The following TBCK variants were observed in gnomAD, a reference collection of about 807,000 sequenced individuals.
TBCK encodes TBC domain-containing protein kinase-like protein.
A neutral mutation model predicts 113.4 loss-of-function variants in TBCK; 99 were observed. The observed-to-expected ratio is 0.87, with a 90% CI of 0.74 to 1.03. The LOEUF is 1.03. Ranked by LOEUF, TBCK falls within the 50% of genes least tolerant of loss-of-function variation. TBCK has a pLI of 0.00. For synonymous variants in TBCK, 369 were observed against 370.8 expected, an observed-to-expected ratio of 1.00 and a Z score of 0.05; for missense variants, 1,045 against 1,061.3, an observed-to-expected ratio of 0.98 and a Z score of 0.21.
chr4:106,167,575 G>T (rs1473229553), intron 23 of TBCK, among the ~76,000 whole-genome samples: 1 of 151,428 alleles, frequency 6.6e-6, no homozygotes, highest in African/African-American at 2.4e-5. Flanking sequence ...AGAGATCAAT[G>T]ACACCAAAAG....
chr4:106,216,099 C>T (rs915670489), intron 19 of TBCK, among the ~76,000 whole-genome samples: 2 of 152,168 alleles, frequency 1.3e-5, no homozygotes, highest in Non-Finnish European at 2.9e-5. Context: ...AACTGAACAA[C>T]CTCCTCCTGA....
At chr4:106,091,758 A>G (rs1740274704) in intron 25 of TBCK, among the ~76,000 whole-genome samples, 1 of 152,174 alleles carries the variant, frequency 6.6e-6, no homozygotes, top group South Asian at 2.1e-4. Context: ...GCAAAGAGCA[A>G]AAGAACAAAG....
chr4:106,073,208 G>T (rs1737702983), intron 25 of TBCK, among the ~76,000 whole-genome samples: 1 of 152,156 alleles, frequency 6.6e-6, no homozygotes, highest in African/African-American at 2.4e-5. Context: ...CAGCTTTTCT[G>T]CTCTGGTTTC....
chr4:106,075,382 G>A (rs1000390908), intron 25 of TBCK, among the ~76,000 whole-genome samples: 5 of 152,302 alleles, frequency 3.3e-5, no homozygotes, highest in South Asian at 2.1e-4. Context: ...TATGGAGGAC[G>A]TGAAGAAGAA....
chr4:106,065,385 A>G (rs1736522939), intron 25 of TBCK, among the ~76,000 whole-genome samples: 1 of 152,036 alleles, frequency 6.6e-6, no homozygotes, highest in African/African-American at 2.4e-5. Context: ...CAAAGATGTA[A>G]TATCTCACAT....
chr4:106,069,342 C>G (rs976805135), intron 25 of TBCK, among the ~76,000 whole-genome samples: 2 of 152,136 alleles, frequency 1.3e-5, no homozygotes, highest in African/African-American at 2.4e-5. Context: ...GGAAGGGATC[C>G]AGTTTAAGCT....
chr4:106,266,839 A>T (rs1194625458), intron 3 of TBCK, among the ~76,000 whole-genome samples: 4 of 151,954 alleles, frequency 2.6e-5, no homozygotes, highest in African/African-American at 9.7e-5. Context: ...TTTTTAAGTT[A>T]TATTCTTTAA....
At chr4:106,107,107 C>A (rs1560653398) in intron 24 of TBCK, among the ~76,000 whole-genome samples, 1 of 151,922 alleles carries the variant, frequency 6.6e-6, no homozygotes, top group Non-Finnish European at 1.5e-5. Flanking sequence ...TATATATGAA[C>A]CCAATACAGG....
At chr4:106,302,176 T>A (rs897969287) in intron 2 of TBCK, among the ~76,000 whole-genome samples, 1 of 152,146 alleles carries the variant, frequency 6.6e-6, no homozygotes, top group Non-Finnish European at 1.5e-5. Flanking sequence ...ACTTTACACA[T>A]ATTCATGACC....
At chr4:106,073,001 TC>T (rs753384169) in intron 25 of TBCK, among the ~76,000 whole-genome samples, 9 of 152,216 alleles carry the variant, frequency 5.9e-5, no homozygotes, top group Non-Finnish European at 1.0e-4. Context: ...ATTCGTCTAA[TC>T]CTTTTTCAAG....
In TBCK at chr4:106,222,476, T is replaced by C. The variant is rs201199135; in HGVS notation, c.1774+7887A>G. Among the ~76,000 whole-genome samples the C allele has an allele frequency of 1.1e-4, 16 of 152,266 alleles. No homozygotes were observed. In the East Asian group the frequency reaches 2.9e-3, roughly 28 times the overall value. On this transcript the variant is annotated intron_variant, in intron 19 of 25. Coordinates refer to ENST00000394708, the MANE Select transcript of TBCK (RefSeq NM_001163435.3). ...GCCCTACATATAGGTATCCTTATTTTTCCCTTCCGAAAAGTTTTTCAGCTT... is the reference window on the plus strand; with the variant it reads ...GCCCTACATATAGGTATCCTTATTTCTCCCTTCCGAAAAGTTTTTCAGCTT...
chr4:106,139,899 T>A (rs955187437), intron 23 of TBCK, among the ~76,000 whole-genome samples: 1 of 140,872 alleles, frequency 7.1e-6, no homozygotes, highest in Non-Finnish European at 1.6e-5. Flanking sequence ...AAATTGGGCA[T>A]GAACAAGTAC....
At chr4:106,151,986 A>T (rs1748547262) in intron 23 of TBCK, among the ~76,000 whole-genome samples, 1 of 151,582 alleles carries the variant, frequency 6.6e-6, no homozygotes, top group Admixed American at 6.6e-5. Flanking sequence ...TTTTTTATGG[A>T]GTCTTTAGGT....
chr4:106,160,967 T>C (rs57240406), intron 23 of TBCK, among the ~76,000 whole-genome samples: 6,858 of 152,030 alleles, frequency 0.045, 511 homozygotes, highest in African/African-American at 0.15. Context: ...CAAAACTATA[T>C]GATTCCAACT....
intron 24 of TBCK, among the ~76,000 whole-genome samples, chr4:106,107,030 A>T (rs1447952887): frequency 4.6e-5 from 7 of 151,340 alleles, no homozygotes; most frequent in East Asian, 1.9e-4. Flanking sequence ...ACAACGATTT[A>T]AAAAAAAAGA....
intron 23 of TBCK, among the ~76,000 whole-genome samples, chr4:106,120,204 C>T (rs533401652): frequency 6.6e-6 from 1 of 152,282 alleles, no homozygotes; most frequent in East Asian, 1.9e-4. Context: ...AAAGGGGTGA[C>T]TGATGCACCT....
In TBCK at chr4:106,232,953, G is replaced by T; in HGVS notation, c.1624C>A (p.Leu542Ile). 4.3e-6 allele frequency: 7 copies of T among 1,611,586 alleles called. No homozygotes were observed. Among genetic ancestry groups the T allele is most frequent in the Non-Finnish European group, 5.9e-6 (7 of 1,178,458 alleles). ...CAAAAGTTACCTTGCCAATACACAA[G>T]ATCAGGATGAGACACTACCCAGGCT... The part of the protein sequence containing the change: ...LKAWVVSHPD[L>I]VYWQGLDSLC... Residue 542 changes from leucine (L) to isoleucine (I), a missense_variant, in exon 17 of 26, where the codon CTT (leucine) becomes ATT (isoleucine). Physicochemically the swap from Leu to Ile is conservative, Grantham distance 5. Transcript: ENST00000394708.
At chr4:106,308,000 A>G (rs1036992350) in intron 2 of TBCK, among the ~76,000 whole-genome samples, 22 of 152,166 alleles carry the variant, frequency 1.4e-4, no homozygotes, top group Non-Finnish European at 3.2e-4. Flanking sequence ...TCATTTGAAG[A>G]CAGTTGCCAA....
In TBCK at chr4:106,046,355, TAAG is replaced by T; in HGVS notation, c.*212_*214del. ...AAAATATATGATCAGATTTCACTGTTAAGAAAATTCTTTCAGCAATACATGTAG... is the reference window on the plus strand; with the variant it reads ...AAAATATATGATCAGATTTCACTGTTAAAATTCTTTCAGCAATACATGTAG... On this transcript the variant is annotated 3_prime_UTR_variant, in exon 26 of 26. Coordinates refer to ENST00000394708, the MANE Select transcript of TBCK (RefSeq NM_001163435.3). 2.3e-6 allele frequency: 1 copy of T among 427,528 alleles called. No homozygotes were observed. The highest frequency in any genetic ancestry group is 4.2e-6 in the Non-Finnish European group (1 of 239,622). 26.5% of individuals were successfully genotyped at this position (427,528 alleles called of 1,614,324 possible). A position where few individuals can be genotyped will look rare whatever the true frequency, so the allele number is the denominator to read the frequency against.
Sources: allele counts gnomAD v4.1 joint callset (sites outside exome capture counted in the v4.1 genomes callset), GRCh38; gene constraint gnomAD v4.1.1; transcripts MANE v1.5; gene names NCBI Gene and HGNC (gene_info 2026-07-23, HGNC 2026-07-21).